CDH8: variants seen among roughly 807,000 people sequenced by gnomAD.
The protein encoded by CDH8 is cadherin 8.
CDH8 carries 17 observed loss-of-function variants against 68.1 expected under a neutral mutation model. That is an observed-to-expected ratio of 0.25 (90% CI 0.17 to 0.37). CDH8 has a LOEUF of 0.37. Ranked by LOEUF, CDH8 falls within the 10% of genes least tolerant of loss-of-function variation. The pLI is 1.00. For synonymous variants in CDH8, 372 were observed against 365.1 expected (o/e 1.02, Z -0.21); for missense variants, 763 against 999.3 (o/e 0.76, Z 3.19).
intron 10 of CDH8, among the ~76,000 whole-genome samples, chr16:61,707,728 T>C (rs1964559518): frequency 6.6e-6 from 1 of 152,142 alleles, no homozygotes; most frequent in Non-Finnish European, 1.5e-5. Context: ...TGAGTTGAAA[T>C]AATTGTCAAC....
At chr16:62,028,061 ATTTTTT>A (rs768513131) in intron 1 of CDH8, among the ~76,000 whole-genome samples, 2 of 115,842 alleles carry the variant, frequency 1.7e-5, no homozygotes, top group Admixed American at 9.2e-5. Flanking sequence ...TGTCAAATCC[ATTTTTT>A]TTTTTTTTTT....
chr16:61,948,758 T>G (rs999249364), intron 2 of CDH8, among the ~76,000 whole-genome samples: 2 of 152,230 alleles, frequency 1.3e-5, no homozygotes, highest in Non-Finnish European at 2.9e-5. Context: ...AGTGTCTTTT[T>G]AAGAAATCTT....
At chr16:61,876,174 C>T (rs1963456452) in intron 3 of CDH8, among the ~76,000 whole-genome samples, 1 of 152,160 alleles carries the variant, frequency 6.6e-6, no homozygotes, top group Non-Finnish European at 1.5e-5. Context: ...TGTGCCCGGC[C>T]AGGTTTTCTT....
Position 61,989,835 on chromosome 16 carries a change from G to A in CDH8, c.252+31317C>T, listed in dbSNP as rs1965686884. Among the ~76,000 whole-genome samples the A allele has an allele frequency of 2.1e-5, 3 of 146,160 alleles. No homozygotes were observed. The Admixed American group carries it at 2.1e-4, about 10-fold the overall frequency. ...ATTACGCTAAGGGTACAATTTTATT[G>A]TTAAACTTAGGATCTTAAGATATTA... On this transcript the variant is annotated intron_variant, in intron 2 of 11. Transcript: ENST00000577390.
intron 8 of CDH8, among the ~76,000 whole-genome samples, chr16:61,768,369 CCTTTCTCTCTCTCTCTCTCT>C (rs1960675650): frequency 4.2e-5 from 1 of 23,552 alleles, no homozygotes; most frequent in African/African-American, 1.8e-4. Flanking sequence ...TCTCTCTCTC[CCTTTCTCTCTCTCTCTCTCT>C]CTCTCCCTTT....
At chr16:61,698,600 T>C (rs2142844502) in intron 10 of CDH8, among the ~76,000 whole-genome samples, 1 of 152,290 alleles carries the variant, frequency 6.6e-6, no homozygotes, top group Middle Eastern at 3.4e-3. Flanking sequence ...AGGCTCAGAC[T>C]CATTGCAATA....
chr16:61,932,849 G>A (rs1374629084), intron 2 of CDH8, among the ~76,000 whole-genome samples: 1 of 152,278 alleles, frequency 6.6e-6, no homozygotes, highest in East Asian at 1.9e-4. Flanking sequence ...CACCTCCTGG[G>A]AATCTTGTGA....
intron 3 of CDH8, among the ~76,000 whole-genome samples, chr16:61,895,567 T>A (rs1963856614): frequency 6.6e-6 from 1 of 152,200 alleles, no homozygotes; most frequent in Admixed American, 6.5e-5. Context: ...CCAAGTGTCA[T>A]GTTTTATGTA....
At chr16:61,847,348 T>C (rs1033950768) in intron 4 of CDH8, among the ~76,000 whole-genome samples, 4 of 151,854 alleles carry the variant, frequency 2.6e-5, no homozygotes, top group African/African-American at 9.7e-5. Flanking sequence ...CATGTTTTAG[T>C]CCAGAGAAAA....
chr16:61,857,517 T>C (rs900528423), intron 3 of CDH8, among the ~76,000 whole-genome samples: 1 of 152,224 alleles, frequency 6.6e-6, no homozygotes, highest in East Asian at 1.9e-4. Context: ...ATTAGAAGCA[T>C]GCAGGCTTGG....
intron 7 of CDH8, among the ~76,000 whole-genome samples, chr16:61,810,746 G>T (rs977444359): frequency 3.9e-5 from 6 of 152,112 alleles, no homozygotes; most frequent in African/African-American, 1.4e-4. Flanking sequence ...AGATAAGGCT[G>T]AGAGCAGTAG....
At chr16:61,812,286 A>T (rs1961968779) in intron 7 of CDH8, among the ~76,000 whole-genome samples, 1 of 152,184 alleles carries the variant, frequency 6.6e-6, no homozygotes, top group African/African-American at 2.4e-5. Context: ...ACTCAGGTGA[A>T]TTATAAAAAT....
At position 61,768,314 on chromosome 16, in the gene CDH8, T is replaced by TTCTCTCTCTCTCTC. The variant is rs1206629963; in HGVS notation, c.1414+21018_1414+21031dup. Reference sequence around the variant, plus strand: ...AGGCTCTCTCTCTGTGTCTCTCCCTTTCTCTCTCTCTCTCTCTCTCTCTCT... The same window carrying TTCTCTCTCTCTCTC: ...AGGCTCTCTCTCTGTGTCTCTCCCTTTCTCTCTCTCTCTCTCTCTCTCTCTCTCTCTCTCTCTCT... On this transcript the variant is annotated intron_variant, in intron 8 of 11. Coordinates refer to ENST00000577390, the MANE Select transcript of CDH8 (RefSeq NM_001796.5). Among the ~76,000 whole-genome samples, 17 of 17,200 alleles carry TTCTCTCTCTCTCTC rather than the reference T, an allele frequency of 9.9e-4. 1 individual carries two copies. Among genetic ancestry groups the TTCTCTCTCTCTCTC allele is most frequent in the East Asian group, 2.6e-3 (1 of 382 alleles). 11.3% of individuals were successfully genotyped at this position (17,200 alleles called of 152,430 possible).
At chr16:62,010,086 A>T (rs1901770534) in intron 2 of CDH8, among the ~76,000 whole-genome samples, 1 of 141,738 alleles carries the variant, frequency 7.1e-6, no homozygotes, top group South Asian at 2.1e-4. Flanking sequence ...TAAATAAAAC[A>T]GAGCCAGCAC....
At chr16:61,981,675 T>TGTGTGCGC (rs1965531752) in intron 2 of CDH8, among the ~76,000 whole-genome samples, 1 of 151,010 alleles carries the variant, frequency 6.6e-6, no homozygotes, top group Non-Finnish European at 1.5e-5. Context: ...TGTGTGTGTG[T>TGTGTGCGC]GTGTGTGCGC....
chr16:61,698,800 G>T (rs1016718225), intron 10 of CDH8, among the ~76,000 whole-genome samples: 3 of 152,020 alleles, frequency 2.0e-5, no homozygotes, highest in Non-Finnish European at 2.9e-5. Flanking sequence ...TCTTTCTTTG[G>T]TTTTTTTCAT....
chr16:61,871,473 A>C (rs1269403196), intron 3 of CDH8, among the ~76,000 whole-genome samples: 1 of 151,924 alleles, frequency 6.6e-6, no homozygotes, highest in African/African-American at 2.4e-5. Context: ...CTACCTAAGG[A>C]TCTTAAAGAG....
At chr16:61,662,925 G>A (rs1420942601) in intron 10 of CDH8, among the ~76,000 whole-genome samples, 1 of 151,750 alleles carries the variant, frequency 6.6e-6, no homozygotes, top group Non-Finnish European at 1.5e-5. Flanking sequence ...TCATTCTTTT[G>A]TAATGCTTTA....
At chr16:61,849,314 A>C (rs536524354) in intron 4 of CDH8, among the ~76,000 whole-genome samples, 112 of 151,132 alleles carry the variant, frequency 7.4e-4, no homozygotes, top group African/African-American at 2.6e-3. Context: ...CCATTACTGC[A>C]TTAAAAGAAA....
Sources: allele counts gnomAD v4.1 joint callset (sites outside exome capture counted in the v4.1 genomes callset), GRCh38; gene constraint gnomAD v4.1.1; transcripts MANE v1.5; gene names NCBI Gene and HGNC (gene_info 2026-07-23, HGNC 2026-07-21).